The following TMPRSS6 variants were observed in gnomAD, a reference collection of about 807,000 sequenced individuals.
TMPRSS6 encodes the protein transmembrane protease serine 6.
TMPRSS6 carries 67 observed loss-of-function variants against 101.5 expected under a neutral mutation model. The observed-to-expected ratio is 0.66, with a 90% CI of 0.54 to 0.81. The LOEUF (loss-of-function observed/expected upper bound fraction) is 0.81, where lower values mean the gene tolerates loss of function less well. Among genes scored for constraint, TMPRSS6 ranks in the 30% least tolerant of loss-of-function variants. The pLI, the probability that TMPRSS6 is intolerant of heterozygous loss-of-function variation, is 0.00. For synonymous variants in TMPRSS6, 453 were observed against 464.9 expected (o/e 0.97, Z 0.33); for missense variants, 1,034 against 1,088.7 (o/e 0.95, Z 0.71).
chr22:37,080,314 C>T (rs1928161914), intron 10 of TMPRSS6: 1 of 152,336 alleles, frequency 6.6e-6, no homozygotes, highest in Admixed American at 6.5e-5. Context: ...GGTGAAGTGC[C>T]TAAGGATGCT....
At position 37,070,583 on chromosome 22, in the gene TMPRSS6, C is replaced by T. The variant is rs929818649; in HGVS notation, c.1742G>A (p.Trp581Ter). ...GAVSSEGEWP[W>*]QASLQVRGRH... ...ACCCCGAACCTGGAGGCTGGCCTGCCATGGCCACTCACCCTCGGAGGACAC... is the reference window on the plus strand; with the variant it reads ...ACCCCGAACCTGGAGGCTGGCCTGCTATGGCCACTCACCCTCGGAGGACAC... Residue 581 changes from tryptophan (W) to a stop codon, truncating the protein, a stop_gained, in exon 15 of 18, where the codon TGG (tryptophan) becomes TAG (stop). Transcript: ENST00000676104. LOFTEE classifies it high-confidence loss of function. 1.2e-6 allele frequency: 2 copies of T among 1,613,174 alleles called. No homozygotes were observed. Among genetic ancestry groups the T allele is most frequent in the Non-Finnish European group, 1.7e-6 (2 of 1,180,038 alleles).
chr22:37,090,088 C>T (rs1929132200), intron 6 of TMPRSS6, among the ~76,000 whole-genome samples: 1 of 152,334 alleles, frequency 6.6e-6, no homozygotes, highest in Non-Finnish European at 1.5e-5. Context: ...GACAGACAGA[C>T]ACAGAACAGG....
rs538294270 is a variant in TMPRSS6 at position 37,074,910 on chromosome 22, G to A, written c.1343-202C>T. Among the ~76,000 whole-genome samples the A allele has an allele frequency of 3.7e-4, 56 of 152,350 alleles. 2 individuals are homozygous for A. The South Asian group carries it at 0.01, about 28-fold the overall frequency. On this transcript the variant is annotated intron_variant, in intron 11 of 17. Transcript: ENST00000676104. ...CACACACAGAATACACAACACACAC[G>A]TGGATATGTATGAGTGTGTATTCCT...
intron 10 of TMPRSS6, among the ~76,000 whole-genome samples, chr22:37,076,197 G>A (rs759416662): frequency 1.2e-4 from 19 of 152,186 alleles, no homozygotes; most frequent in East Asian, 1.9e-4. Flanking sequence ...AGATGTGCAC[G>A]GTCATCTGCC....
At chr22:37,078,766 T>TGAGGAGGAGGAG (rs1295133972) in intron 10 of TMPRSS6, among the ~76,000 whole-genome samples, 2 of 64,056 alleles carry the variant, frequency 3.1e-5, no homozygotes, top group Non-Finnish European at 5.6e-5. Context: ...AGAAAGAGAA[T>TGAGGAGGAGGAG]GAGGAGAAGG....
intron 9 of TMPRSS6, 59 bp downstream of exon 9, chr22:37,084,668 C>T: frequency 2.8e-6 from 4 of 1,420,732 alleles, no homozygotes; most frequent in South Asian, 2.5e-5. Context: ...CCCGGGTCAC[C>T]AGGGACCTGT....
intron 1 of TMPRSS6, among the ~76,000 whole-genome samples, chr22:37,104,890 A>G (rs1281960395): frequency 6.6e-6 from 1 of 151,514 alleles, no homozygotes; most frequent in African/African-American, 2.4e-5. Context: ...GAACCTGGTC[A>G]GGGGAGGTTG....
At chr22:37,083,534 C>T (rs1467875826) in intron 10 of TMPRSS6, among the ~76,000 whole-genome samples, 1 of 152,258 alleles carries the variant, frequency 6.6e-6, no homozygotes, top group Non-Finnish European at 1.5e-5. Context: ...CCTGTCCATA[C>T]ACCCTGTCTC....
intron 1 of TMPRSS6, among the ~76,000 whole-genome samples, chr22:37,106,969 G>T (rs540616928): frequency 4.6e-5 from 7 of 152,348 alleles, no homozygotes; most frequent in African/African-American, 1.7e-4. Context: ...CCTTGGCTTT[G>T]GGTCTTGCCT....
intron 10 of TMPRSS6, 26 bp from the exon 11 acceptor site, chr22:37,075,306 G>C: frequency 6.2e-7 from 1 of 1,612,378 alleles, no homozygotes; most frequent in East Asian, 2.2e-5. Context: ...GACGACTCAG[G>C]GCTGCACTGG....
At chr22:37,095,354 G>A (rs764066128) in intron 6 of TMPRSS6, among the ~76,000 whole-genome samples, 197 bp downstream of exon 6, 3 of 151,934 alleles carry the variant, frequency 2.0e-5, no homozygotes, top group Non-Finnish European at 2.9e-5. Context: ...CATGCACGTC[G>A]CCACCTCCTC....
At chr22:37,097,832 A>G (rs866690547) in intron 3 of TMPRSS6, among the ~76,000 whole-genome samples, 59 of 127,768 alleles carry the variant, frequency 4.6e-4, no homozygotes, top group African/African-American at 1.7e-3. Flanking sequence ...CCGTCCTGTA[A>G]CGGAGGGGGA....
chr22:37,094,004 C>A lies in TMPRSS6; in HGVS notation c.631+1547G>T, dbSNP rs187504543. Reference sequence around the variant, plus strand: ...CGGCACTGCACTCCAGCCTGGATGACAGAGTGAGACTCTGTTATATATATA... The same window carrying A: ...CGGCACTGCACTCCAGCCTGGATGAAAGAGTGAGACTCTGTTATATATATA... On this transcript the variant is annotated intron_variant, in intron 6 of 17. Coordinates refer to ENST00000676104, the MANE Select transcript of TMPRSS6 (RefSeq NM_001374504.1). Among the ~76,000 whole-genome samples the A allele has an allele frequency of 3.2e-4, 48 of 151,032 alleles. 1 individual carries two copies. In the East Asian group the frequency reaches 9.0e-3, roughly 28 times the overall value.
intron 3 of TMPRSS6, among the ~76,000 whole-genome samples, chr22:37,097,008 C>T (rs113679651): frequency 0.016 from 2,411 of 152,298 alleles, 26 homozygotes; most frequent in Non-Finnish European, 0.023. Flanking sequence ...CTGAGAAACC[C>T]CACTCGGCTC....
At chr22:37,072,954 GTGGATGACGGA>G (rs1207939166) in intron 13 of TMPRSS6, among the ~76,000 whole-genome samples, 1 of 143,058 alleles carries the variant, frequency 7.0e-6, no homozygotes, top group Non-Finnish European at 1.5e-5. Context: ...TGATCGATGG[GTGGATGACGGA>G]TGGGTGGAAG....
chr22:37,092,499 C>G (rs1038171504), intron 6 of TMPRSS6, among the ~76,000 whole-genome samples: 2 of 140,020 alleles, frequency 1.4e-5, no homozygotes, highest in African/African-American at 5.2e-5. Context: ...ACCACCATGT[C>G]CAGCTAATTT....
intron 2 of TMPRSS6, among the ~76,000 whole-genome samples, chr22:37,100,939 C>T (rs887757900): frequency 1.7e-4 from 26 of 152,234 alleles, no homozygotes; most frequent in Admixed American, 1.2e-3. Flanking sequence ...GGTGAGCCCC[C>T]GGGTCAAGTG....
intron 10 of TMPRSS6, among the ~76,000 whole-genome samples, chr22:37,080,860 A>G (rs1221092799): frequency 6.6e-6 from 1 of 152,264 alleles, no homozygotes; most frequent in Non-Finnish European, 1.5e-5. Flanking sequence ...TGAGGGAGTC[A>G]CCAGCTGGCA....
chr22:37,101,145 A>G lies in TMPRSS6; in HGVS notation c.202+2071T>C, dbSNP rs1400371253. 6.6e-6 allele frequency among the ~76,000 whole-genome samples: 1 copy of G among 151,934 alleles called. No homozygotes were observed. Among genetic ancestry groups the G allele is most frequent in the Non-Finnish European group, 1.5e-5 (1 of 67,968 alleles). Reference sequence around the variant, plus strand: ...CAAGGGACACTGGGGGAGAGAGGGCATCCTTGCTGGTGCTGGGCCATTGTG... The same window carrying G: ...CAAGGGACACTGGGGGAGAGAGGGCGTCCTTGCTGGTGCTGGGCCATTGTG... On this transcript the variant is annotated intron_variant, in intron 2 of 17. Transcript: ENST00000676104. The surrounding 1 kb of genome is among the most constrained non-coding windows in gnomAD (Gnocchi z 4.1).
Sources: gnomAD v4.1 joint callset for allele counts (sites outside exome capture counted in the v4.1 genomes callset) on GRCh38, gnomAD v4.1.1 for gene constraint, Gnocchi (gnomAD v3.1) non-coding constraint, MANE v1.5 for transcripts, NCBI Gene and HGNC (gene_info 2026-07-23, HGNC 2026-07-21) for gene names.